Variants in AP2A1 observed in about 807,000 individuals in gnomAD.
AP2A1 encodes the protein adaptor related protein complex 2 subunit alpha 1, also known as AP-2 complex subunit alpha-1.
A neutral mutation model predicts 107.3 loss-of-function variants in AP2A1; 21 were observed. The ratio of observed to expected loss-of-function variants is 0.20; its 90% confidence interval spans 0.14 to 0.28. The LOEUF is 0.28. AP2A1 is among the 10% of genes least tolerant of loss of function. AP2A1 has a pLI of 1.00. For missense variants in AP2A1, 873 were observed against 1,307.7 expected, an observed-to-expected ratio of 0.67 and a Z score of 5.13; for synonymous variants, 602 against 564.8, an observed-to-expected ratio of 1.07 and a Z score of -0.93.
At chr19:49,805,969 C>A in intron 21 of AP2A1, 28 bp downstream of exon 21, 1 of 1,613,448 alleles carries the variant, frequency 6.2e-7, no homozygotes, top group Non-Finnish European at 8.5e-7. Context: ...TGTTTGCCGG[C>A]CTATGGCTGC....
chr19:49,768,740 G>C (rs1161856998), intron 1 of AP2A1, among the ~76,000 whole-genome samples: 1 of 152,146 alleles, frequency 6.6e-6, no homozygotes, highest in African/African-American at 2.4e-5. Context: ...GCCACTGTTA[G>C]CAGACGGGGG....
At chr19:49,787,915 A>G (rs908138908) in intron 4 of AP2A1, among the ~76,000 whole-genome samples, 14 of 152,052 alleles carry the variant, frequency 9.2e-5, no homozygotes, top group Admixed American at 6.5e-5. Context: ...CCACTCAACA[A>G]GATGTTTTTC....
intron 6 of AP2A1, 103 bp downstream of exon 6, chr19:49,793,195 A>G: frequency 9.0e-7 from 1 of 1,113,082 alleles, no homozygotes; most frequent in Non-Finnish European, 1.3e-6. Context: ...GCCCAGCCCA[A>G]GGTTTACAAA....
chr19:49,801,129 G>C (rs1384911360), intron 12 of AP2A1, 71 bp downstream of exon 12: 19 of 1,415,572 alleles, frequency 1.3e-5, no homozygotes, highest in Non-Finnish European at 1.8e-5. Context: ...GGGATCCCCA[G>C]GGGTCTCAGG....
chr19:49,790,428 C>T (rs2073127346), intron 4 of AP2A1, among the ~76,000 whole-genome samples: 1 of 152,218 alleles, frequency 6.6e-6, no homozygotes, highest in South Asian at 2.1e-4. Flanking sequence ...AAAGTACCCC[C>T]ACCCTTTTTT....
chr19:49,795,493 C>CA (rs904222076), intron 6 of AP2A1, 137 bp from the exon 7 acceptor site: 186 of 642,216 alleles, frequency 2.9e-4, no homozygotes, highest in African/African-American at 9.1e-4. Flanking sequence ...CCTGTCTCTA[C>CA]AAAAAAAACC....
chr19:49,802,863 AG>A, intron 15 of AP2A1, 85 bp from the exon 16 acceptor site: 1 of 1,456,804 alleles, frequency 6.9e-7, no homozygotes, highest in Non-Finnish European at 9.4e-7. Context: ...TTCTGTCCTT[AG>A]GGCTTGTTCT....
In AP2A1 at chr19:49,795,326, C is replaced by T. The variant is rs778306708; in HGVS notation, c.706-304C>T. The stretch of plus-strand genomic sequence containing the variant: ...CCATTCAGTGTGCCTGACGCTTCCT[C>T]GCTCCCTTCCCAGAGCCTCAGATTC... On this transcript the variant is annotated intron_variant, in intron 6 of 22. Transcript: ENST00000354293. Among the ~76,000 whole-genome samples the T allele has an allele frequency of 2.3e-4, 35 of 152,198 alleles. 1 individual carries two copies. Among genetic ancestry groups the T allele is most frequent in the African/African-American group, 1.4e-4 (6 of 41,452 alleles).
At chr19:49,771,177 G>T (rs1244122391) in intron 1 of AP2A1, among the ~76,000 whole-genome samples, 1 of 151,504 alleles carries the variant, frequency 6.6e-6, no homozygotes, top group Admixed American at 6.6e-5. Flanking sequence ...TTGGGTTCAT[G>T]AAAAAGCCTA....
intron 7 of AP2A1, among the ~76,000 whole-genome samples, chr19:49,798,415 G>A (rs936355700): frequency 5.9e-5 from 9 of 152,180 alleles, no homozygotes; most frequent in Non-Finnish European, 8.8e-5. Context: ...ACCAGTCCTT[G>A]GGAAGGCCTG....
intron 4 of AP2A1, among the ~76,000 whole-genome samples, chr19:49,784,083 C>CA (rs1449131451): frequency 6.6e-6 from 1 of 152,134 alleles, no homozygotes; most frequent in Non-Finnish European, 1.5e-5. Context: ...AGCTCACAGC[C>CA]AAAAATCTCT....
chr19:49,795,013 C>T (rs1046307064), intron 6 of AP2A1, among the ~76,000 whole-genome samples: 1 of 152,220 alleles, frequency 6.6e-6, no homozygotes, highest in Non-Finnish European at 1.5e-5. Flanking sequence ...GAACCTCTTC[C>T]TATCTGACCT....
chr19:49,769,866 A>G (rs1230152294), intron 1 of AP2A1, among the ~76,000 whole-genome samples: 1 of 151,846 alleles, frequency 6.6e-6, no homozygotes, highest in Non-Finnish European at 1.5e-5. Flanking sequence ...CTGGTGAGAA[A>G]TGGGTTGGTG....
intron 1 of AP2A1, among the ~76,000 whole-genome samples, chr19:49,771,444 T>C (rs2084556910): frequency 8.8e-6 from 1 of 114,246 alleles, no homozygotes; most frequent in Non-Finnish European, 2.0e-5. Context: ...GTATCTCTTT[T>C]TTTTTGTGAC....
Position 49,806,884 on chromosome 19 carries a change from C to T in AP2A1, c.*126C>T, listed in dbSNP as rs967060167. 2.6e-6 allele frequency: 4 copies of T among 1,554,806 alleles called. No homozygotes were observed. The African/African-American group carries it at 4.1e-5, about 16-fold the overall frequency. The stretch of plus-strand genomic sequence containing the variant: ...ACCAGGGTTTGGGGGATGCCTGGGA[C>T]TTTCCTCCGGCCTTTTGTATTTTTA... On this transcript the variant is annotated 3_prime_UTR_variant, in exon 23 of 23. Transcript: ENST00000354293.
At chr19:49,772,600 A>G (rs2084575111) in intron 1 of AP2A1, among the ~76,000 whole-genome samples, 1 of 150,294 alleles carries the variant, frequency 6.7e-6, no homozygotes. Context: ...GGTTCATGCC[A>G]TTCTCCTGCC....
At chr19:49,770,381 C>G (rs920186802) in intron 1 of AP2A1, among the ~76,000 whole-genome samples, 7 of 152,080 alleles carry the variant, frequency 4.6e-5, no homozygotes, top group Non-Finnish European at 1.0e-4. Flanking sequence ...GTATGTTGAA[C>G]GGCTGGTATG....
intron 1 of AP2A1, among the ~76,000 whole-genome samples, chr19:49,776,003 C>T (rs756917617): frequency 2.6e-5 from 4 of 152,100 alleles, no homozygotes; most frequent in Non-Finnish European, 4.4e-5. Flanking sequence ...TCCCTGGCCC[C>T]GTCAGCACTT....
At chr19:49,773,179 C>T (rs1010078250) in intron 1 of AP2A1, among the ~76,000 whole-genome samples, 17 of 152,034 alleles carry the variant, frequency 1.1e-4, no homozygotes, top group Non-Finnish European at 2.9e-5. Flanking sequence ...GAGGCTGGGC[C>T]CAGCCCGAGG....
Sources: gnomAD v4.1 joint callset for allele counts (sites outside exome capture counted in the v4.1 genomes callset) on GRCh38, gnomAD v4.1.1 for gene constraint, MANE v1.5 for transcripts, NCBI Gene and HGNC (gene_info 2026-07-23, HGNC 2026-07-21) for gene names.